ELP2: variants seen among roughly 807,000 people sequenced by gnomAD.
The protein encoded by ELP2 is elongator complex protein 2.
A neutral mutation model predicts 119.2 loss-of-function variants in ELP2; 90 were observed. The ratio of observed to expected loss-of-function variants is 0.75; its 90% CI spans 0.64 to 0.90. ELP2 has a LOEUF of 0.90. Among genes scored for constraint, ELP2 ranks in the 40% least tolerant of loss-of-function variants. The pLI is 0.00. For synonymous variants in ELP2, 339 were observed against 331.0 expected, an observed-to-expected ratio of 1.02 and a Z score of -0.26; for missense variants, 921 against 967.8, an observed-to-expected ratio of 0.95 and a Z score of 0.64.
At chr18:36,146,209 G>A in intron 10 of ELP2, 41 bp from the exon 11 acceptor site, 1 of 1,613,002 alleles carries the variant, frequency 6.2e-7, no homozygotes, top group Non-Finnish European at 8.5e-7. Context: ...GAGAAACATA[G>A]ACTATTGATT....
chr18:36,165,145 T>C (rs986442206), intron 18 of ELP2: 1 of 162,018 alleles, frequency 6.2e-6, no homozygotes, highest in African/African-American at 2.4e-5. Flanking sequence ...CCATTATCCT[T>C]AGCTTTTTCC....
At chr18:36,162,007 CACA>C (rs1167198529) in intron 17 of ELP2, among the ~76,000 whole-genome samples, 1 of 152,050 alleles carries the variant, frequency 6.6e-6, no homozygotes, top group Admixed American at 6.5e-5. Context: ...TAAGTTGATT[CACA>C]ACAATATGTG....
chr18:36,170,312 T>C (rs983915854), intron 20 of ELP2, 116 bp downstream of exon 20: 3 of 319,570 alleles, frequency 9.4e-6, no homozygotes, highest in Non-Finnish European at 1.5e-5. Context: ...CTTTTTTTTC[T>C]TTTTTTTTTT....
At chr18:36,166,369 T>G (rs2090907211) in intron 18 of ELP2, among the ~76,000 whole-genome samples, 2 of 132,398 alleles carry the variant, frequency 1.5e-5, no homozygotes, top group Non-Finnish European at 3.2e-5. Flanking sequence ...TCCCTCTTGT[T>G]CCCCAGGCTG....
At chr18:36,149,755 A>G (rs1258442790) in intron 11 of ELP2, among the ~76,000 whole-genome samples, 2 of 151,888 alleles carry the variant, frequency 1.3e-5, no homozygotes, top group Non-Finnish European at 2.9e-5. Flanking sequence ...AGGGACACTC[A>G]AGTTCCACTC....
intron 11 of ELP2, among the ~76,000 whole-genome samples, chr18:36,148,098 G>T (rs1785923): frequency 0.36 from 52,053 of 143,278 alleles, 9,653 homozygotes; most frequent in Middle Eastern, 0.43. Context: ...TCAGGTTTTT[G>T]TTTTTTTTTT....
At position 36,136,336 on chromosome 18, in the gene ELP2, T is replaced by A. The variant is rs2089824254; in HGVS notation, c.247T>A (p.Ser83Thr). 6.2e-7 allele frequency: 1 copy of A among 1,611,924 alleles called. No individual in the cohort carries two copies. The highest frequency in any genetic ancestry group is 1.7e-5 in the Admixed American group (1 of 60,006). The change falls in exon 3 of 22, where the codon TCT (serine) becomes ACT (threonine). Residue 83 changes from serine to threonine, a missense_variant. Ser to Thr is a moderately conservative substitution (Grantham distance 58). Transcript: ENST00000358232. ...SPSTELVSGG[S>T]DNQVIHWEIE... The stretch of plus-strand genomic sequence containing the variant: ...TTCTACTGAATTAGTTTCTGGAGGA[T>A]CTGATAATCAAGTGATTCACTGGGA...
intron 21 of ELP2, among the ~76,000 whole-genome samples, chr18:36,173,926 C>T (rs1266976370): frequency 1.3e-5 from 2 of 152,074 alleles, no homozygotes; most frequent in African/African-American, 4.8e-5. Context: ...GGGTAGGGAG[C>T]ATTAATACGA....
chr18:36,164,347 A>G lies in ELP2; in HGVS notation c.1762-128A>G, dbSNP rs959179428. The stretch of plus-strand genomic sequence containing the variant: ...AAATGGTTGTAGTATGTTATCTCCT[A>G]GGAATTTTTTTTGGAATTCAAACAG... On this transcript the variant is annotated intron_variant, in intron 17 of 21. Transcript: ENST00000358232. 4 of 824,674 alleles carry G rather than the reference A, an allele frequency of 4.9e-6. No homozygotes were observed. The African/African-American group carries it at 6.9e-5, about 14-fold the overall frequency. 51.1% of individuals were successfully genotyped at this position (824,674 alleles called of 1,614,324 possible).
In ELP2 at chr18:36,175,854, T is replaced by G. The variant is rs772772895; in HGVS notation, c.*1213T>G. The G allele has an allele frequency of 6.6e-6, 1 of 152,142 alleles. No individual in the cohort carries two copies. Among genetic ancestry groups the G allele is most frequent in the East Asian group, 1.9e-4 (1 of 5,176 alleles). 9.4% of individuals were successfully genotyped at this position (152,142 alleles called of 1,614,324 possible). ...TGCAGTGACAGCTGTATATAATAAA[T>G]GTGTTGAAAGGAGGAAGGTGAGGAT... On this transcript the variant is annotated 3_prime_UTR_variant, in exon 22 of 22. Coordinates refer to ENST00000358232, the MANE Select transcript of ELP2 (RefSeq NM_018255.4).
intron 6 of ELP2, 149 bp from the exon 7 acceptor site, chr18:36,142,132 T>G: frequency 1.4e-6 from 1 of 705,162 alleles, no homozygotes; most frequent in East Asian, 2.6e-5. Flanking sequence ...GGGTTTTTCA[T>G]TCCCAAAGGA....
At chr18:36,156,290 T>C (rs1171973294) in intron 12 of ELP2, among the ~76,000 whole-genome samples, 176 bp from the exon 13 acceptor site, 1 of 152,218 alleles carries the variant, frequency 6.6e-6, no homozygotes, top group African/African-American at 2.4e-5. Context: ...TTTTGAGTGA[T>C]TTTTCTGTGG....
chr18:36,150,529 CA>C (rs1196304343), intron 11 of ELP2, among the ~76,000 whole-genome samples: 1 of 149,300 alleles, frequency 6.7e-6, no homozygotes, highest in Non-Finnish European at 1.5e-5. Flanking sequence ...AAATGCCCCT[CA>C]AGTGGAAATA....
chr18:36,173,200 T>A (rs535826681), intron 21 of ELP2, among the ~76,000 whole-genome samples: 1 of 152,264 alleles, frequency 6.6e-6, no homozygotes, highest in Non-Finnish European at 1.5e-5. Context: ...CAAATCCTTC[T>A]TTTAATGAAA....
intron 1 of ELP2, 69 bp downstream of exon 1, chr18:36,130,140 C>T (rs2089547162): frequency 6.2e-7 from 1 of 1,602,478 alleles, no homozygotes. Flanking sequence ...GCTCCGGGCG[C>T]GCTGTTAGTT....
chr18:36,141,445 A>T (rs934491513), intron 6 of ELP2: 2 of 509,850 alleles, frequency 3.9e-6, no homozygotes, highest in Non-Finnish European at 7.1e-6. Flanking sequence ...GGGAGGAGAG[A>T]TGGAAGATGC....
chr18:36,134,777 C>G (rs1201897510), intron 2 of ELP2, among the ~76,000 whole-genome samples: 4 of 152,128 alleles, frequency 2.6e-5, no homozygotes, highest in African/African-American at 9.7e-5. Flanking sequence ...TATTAGTTGC[C>G]TTTAGATGGT....
chr18:36,156,331 T>C, intron 12 of ELP2, 135 bp from the exon 13 acceptor site: 2 of 851,286 alleles, frequency 2.3e-6, no homozygotes, highest in Non-Finnish European at 1.9e-6. Flanking sequence ...TACTGCCCAG[T>C]TGTGGTTTAT....
At chr18:36,161,535 C>CTAAG (rs1169266581) in intron 17 of ELP2, among the ~76,000 whole-genome samples, 10 of 152,114 alleles carry the variant, frequency 6.6e-5, no homozygotes, top group Admixed American at 5.9e-4. Context: ...TGGCACTGAC[C>CTAAG]TAAGGTAGAT....
Sources: allele counts gnomAD v4.1 joint callset (sites outside exome capture counted in the v4.1 genomes callset), GRCh38; gene constraint gnomAD v4.1.1; transcripts MANE v1.5; gene names NCBI Gene and HGNC (gene_info 2026-07-23, HGNC 2026-07-21).